Variants in NAMPT observed in about 807,000 individuals in gnomAD.
NAMPT encodes NAmPRTase.
A neutral mutation model predicts 58.7 loss-of-function variants in NAMPT; 7 were observed. That is an observed-to-expected ratio of 0.12 (90% CI 0.07 to 0.22). NAMPT has a LOEUF of 0.22. NAMPT is among the 10% of genes least tolerant of loss of function. The pLI is 1.00. For missense variants in NAMPT, 271 were observed against 567.9 expected (o/e 0.48, Z 5.31); for synonymous variants, 145 against 198.1 (o/e 0.73, Z 2.25).
intron 1 of NAMPT, chr7:106,284,497 C>T (rs1475694593): frequency 1.3e-5 from 2 of 152,544 alleles, no homozygotes; most frequent in African/African-American, 4.9e-5. Flanking sequence ...GCCGGCGACG[C>T]CCAAGCCCCG....
At chr7:106,251,897 C>T (rs1254326418) in intron 10 of NAMPT, among the ~76,000 whole-genome samples, 6 of 152,098 alleles carry the variant, frequency 3.9e-5, no homozygotes, top group Non-Finnish European at 8.8e-5. Context: ...TTACCTGCTT[C>T]TGGTTTCTCT....
intron 8 of NAMPT, among the ~76,000 whole-genome samples, chr7:106,254,849 T>C (rs1792171232): frequency 2.0e-5 from 3 of 152,174 alleles, no homozygotes; most frequent in Admixed American, 2.0e-4. Flanking sequence ...CGTTAAGTTA[T>C]TGTCCAGATC....
chr7:106,272,419 G>C (rs112487390), intron 4 of NAMPT, 111 bp downstream of exon 4: 31,549 of 966,890 alleles, frequency 0.033, 707 homozygotes, highest in Middle Eastern at 0.12. Flanking sequence ...GAAAGGTTAA[G>C]TAAATTATAG....
chr7:106,285,353 G>A, upstream of NAMPT: 1 of 432,432 alleles, frequency 2.3e-6, no homozygotes, highest in Non-Finnish European at 3.1e-6. Context: ...GCGGGAGGGC[G>A]GGGCCTGGAG....
rs202104087 is a variant in NAMPT, at chr7:106,284,796, T to A, written c.57+32A>T. On this transcript the variant is annotated intron_variant, in intron 1 of 10. Coordinates refer to ENST00000222553, the MANE Select transcript of NAMPT (RefSeq NM_005746.3). ...CGCGCTCGTCCCCAGCGCGCCCCGC[T>A]CCTCCTCATCTGCCCGGGCCCCGAG... The A allele has an allele frequency of 8.8e-3, 10,229 of 1,165,896 alleles. 66 individuals are homozygous for A. Among genetic ancestry groups the A allele is most frequent in the South Asian group, 0.028 (1,584 of 56,552 alleles). The allele number at this position is 1,165,896 out of a possible 1,614,324, so 72.2% of individuals were successfully genotyped here.
At chr7:106,254,597 T>G (rs1339465188) in intron 8 of NAMPT, 93 bp from the exon 9 acceptor site, 5 of 1,364,852 alleles carry the variant, frequency 3.7e-6, no homozygotes, top group Non-Finnish European at 5.1e-6. Context: ...GAATGAAGCA[T>G]CCAAGACTGT....
chr7:106,281,461 ATAAGCTG>A (rs777478253), intron 1 of NAMPT, among the ~76,000 whole-genome samples: 4 of 152,204 alleles, frequency 2.6e-5, no homozygotes, highest in Non-Finnish European at 4.4e-5. Context: ...CATTTAAAAA[ATAAGCTG>A]TATATGTAAG....
At chr7:106,258,184 G>C (rs3801268) in intron 8 of NAMPT, among the ~76,000 whole-genome samples, 76,828 of 152,140 alleles carry the variant, frequency 0.5, 22,262 homozygotes, top group East Asian at 0.89. Context: ...GTTTGGAAGA[G>C]GTAGTGGAAG....
chr7:106,274,088 G>A (rs1457919095), intron 3 of NAMPT, among the ~76,000 whole-genome samples: 2 of 149,068 alleles, frequency 1.3e-5, no homozygotes, highest in South Asian at 4.3e-4. Flanking sequence ...TTAATATTTA[G>A]GCAATGAATT....
intron 1 of NAMPT, among the ~76,000 whole-genome samples, chr7:106,281,648 T>C (rs1397111457): frequency 6.6e-6 from 1 of 152,224 alleles, no homozygotes. Flanking sequence ...TTCTTTTCAG[T>C]ATTATTTAAG....
At chr7:106,251,924 A>T (rs1437648635) in intron 10 of NAMPT, among the ~76,000 whole-genome samples, 1 of 152,108 alleles carries the variant, frequency 6.6e-6, no homozygotes, top group Non-Finnish European at 1.5e-5. Context: ...AATCCACAGA[A>T]GTAATCTCAA....
intron 1 of NAMPT, 58 bp downstream of exon 1, chr7:106,284,770 G>A (rs1792837244): frequency 5.8e-6 from 3 of 520,304 alleles, no homozygotes; most frequent in Admixed American, 5.4e-5. Flanking sequence ...CCCCCCTGCC[G>A]CGCGCTCGTC....
rs746662897 is a variant in NAMPT, at chr7:106,253,203, T to G, written c.1231-52A>C. 1.1e-5 allele frequency: 17 copies of G among 1,581,262 alleles called. No individual in the cohort carries two copies. In the South Asian group the frequency reaches 1.9e-4, roughly 18 times the overall value. On this transcript the variant is annotated intron_variant, in intron 9 of 10. Coordinates refer to ENST00000222553, the MANE Select transcript of NAMPT (RefSeq NM_005746.3). ...CAAGTAGAAGACTAATCATCAGAAA[T>G]GTCTAAACACTCCCTTACAAAAAAG...
chr7:106,278,504 G>A (rs1288751731), intron 1 of NAMPT, among the ~76,000 whole-genome samples: 1 of 152,126 alleles, frequency 6.6e-6, no homozygotes, highest in Non-Finnish European at 1.5e-5. Flanking sequence ...GTATATGTCA[G>A]GGCTTATTAA....
chr7:106,270,683 T>C (rs767356531), intron 4 of NAMPT, among the ~76,000 whole-genome samples: 2 of 152,176 alleles, frequency 1.3e-5, no homozygotes, highest in Non-Finnish European at 2.9e-5. Flanking sequence ...AAGACTACCA[T>C]GCTCTGAAGA....
intron 9 of NAMPT, among the ~76,000 whole-genome samples, 190 bp downstream of exon 9, chr7:106,254,174 C>T (rs1792154056): frequency 6.6e-6 from 1 of 152,090 alleles, no homozygotes; most frequent in Non-Finnish European, 1.5e-5. Context: ...TTCCAAATCT[C>T]TGTCTCCTTA....
Position 106,261,597 on chromosome 7 carries a change from G to A in NAMPT, c.1080C>T (p.Thr360=). 1 of 1,572,408 alleles carries A rather than the reference G, an allele frequency of 6.4e-7. No individual in the cohort carries two copies. Among genetic ancestry groups the A allele is most frequent in the Non-Finnish European group, 8.7e-7 (1 of 1,145,290 alleles). ...VIQGDGVDIN[T]LQEIVEGMKQ... ...AATATAAAACACATACCTCTTGTAA[G>A]GTATTAATATCTACTCCATCCCCTT... The change falls in exon 8 of 11, where the codon ACC becomes ACT. Residue 360 remains threonine (T), a synonymous_variant. Transcript: ENST00000222553.
chr7:106,285,318 C>G (rs1562821575), upstream of NAMPT: 1 of 531,950 alleles, frequency 1.9e-6, no homozygotes, highest in South Asian at 7.2e-5. Context: ...GGGCGCTTAC[C>G]TAAGTTCGAG....
rs1477507331 is a variant in NAMPT at position 106,263,476 on chromosome 7, T to C, written c.885A>G (p.Leu295=). The C allele has an allele frequency of 3.7e-6, 6 of 1,604,436 alleles. No homozygotes were observed. Among genetic ancestry groups the C allele is most frequent in the Admixed American group, 1.7e-5 (1 of 59,980 alleles). ...TACTTCTTGATACTATTAAATGTCT[T>C]AGATCTTCACCCCATATTTTCTCAC... ...NACEKIWGED[L]RHLIVSRSTQ... Residue 295 remains leucine (L), a synonymous_variant, in exon 7 of 11, where the codon CTA becomes CTG. Transcript: ENST00000222553.
Sources: gnomAD v4.1 joint callset for allele counts (sites outside exome capture counted in the v4.1 genomes callset) on GRCh38, gnomAD v4.1.1 for gene constraint, MANE v1.5 for transcripts, NCBI Gene and HGNC (gene_info 2026-07-23, HGNC 2026-07-21) for gene names.